Variants in AGAP1 observed in about 807,000 individuals in gnomAD.
AGAP1 encodes ArfGAP with GTPase domain, ankyrin repeat and PH domain 1.
AGAP1 carries 29 observed loss-of-function variants against 105.3 expected under a neutral mutation model. The ratio of observed to expected loss-of-function variants is 0.28; its 90% CI spans 0.21 to 0.38. The LOEUF is 0.38. AGAP1 is among the 10% of genes least tolerant of loss of function. The probability of loss-of-function intolerance (pLI) is 1.00; values close to 1 mark genes in which losing one functional copy is unlikely to be tolerated. For synonymous variants in AGAP1, 509 were observed against 485.9 expected, an observed-to-expected ratio of 1.05 and a Z score of -0.63; for missense variants, 998 against 1,165.1, an observed-to-expected ratio of 0.86 and a Z score of 2.09.
At chr2:235,594,813 A>G (rs1574926405) in intron 1 of AGAP1, among the ~76,000 whole-genome samples, 1 of 147,696 alleles carries the variant, frequency 6.8e-6, no homozygotes, top group Non-Finnish European at 1.5e-5. Context: ...GCCTCAAGTG[A>G]TCCACCTGCC....
In AGAP1 at chr2:235,957,659, G is replaced by T. The variant is rs576567705; in HGVS notation, c.1484-10803G>T. 6.6e-6 allele frequency among the ~76,000 whole-genome samples: 1 copy of T among 152,320 alleles called. No homozygotes were observed. Among genetic ancestry groups the T allele is most frequent in the South Asian group, 2.1e-4 (1 of 4,822 alleles). ...TTTTAACAGAGACCCAGGATGTTGT[G>T]ATTTCCTTGGATGGCAAAGGTGGCC... On this transcript the variant is annotated intron_variant, in intron 12 of 17. Coordinates refer to ENST00000304032, the MANE Select transcript of AGAP1 (RefSeq NM_001037131.3). The surrounding 1 kb of genome is among the most constrained non-coding windows in gnomAD (Gnocchi z 4.6).
At chr2:235,987,883 C>T (rs559837064) in intron 13 of AGAP1, among the ~76,000 whole-genome samples, 14 of 152,146 alleles carry the variant, frequency 9.2e-5, no homozygotes, top group African/African-American at 2.7e-4. Flanking sequence ...ATGCGTAATA[C>T]GGAATTAAAG....
At chr2:235,511,495 C>T (rs1942109932) in intron 1 of AGAP1, among the ~76,000 whole-genome samples, 1 of 152,128 alleles carries the variant, frequency 6.6e-6, no homozygotes, top group African/African-American at 2.4e-5. Context: ...CTCACTCCTC[C>T]CATTGCCTGA....
At chr2:235,524,883 T>C (rs1369765091) in intron 1 of AGAP1, among the ~76,000 whole-genome samples, 1 of 152,254 alleles carries the variant, frequency 6.6e-6, no homozygotes, top group Non-Finnish European at 1.5e-5. Flanking sequence ...CAGCTAGTTA[T>C]TAAATTCTAG....
Position 235,833,875 on chromosome 2 carries a change from A to T in AGAP1, c.1050+26544A>T, listed in dbSNP as rs1393123180. 9.4e-4 allele frequency among the ~76,000 whole-genome samples: 88 copies of T among 93,248 alleles called. 1 individual carries two copies. Among genetic ancestry groups the T allele is most frequent in the Middle Eastern group, 6.4e-3 (1 of 156 alleles). 61.2% of individuals were successfully genotyped at this position (93,248 alleles called of 152,430 possible). ...ATCTGGTTTTTTTTTTTTTTTTTTT[A>T]AAGCTCTGGTTGCAGCTCACTAAAG... On this transcript the variant is annotated intron_variant, in intron 9 of 17. Coordinates refer to ENST00000304032, the MANE Select transcript of AGAP1 (RefSeq NM_001037131.3).
At chr2:236,075,039 A>G (rs1377378) in intron 16 of AGAP1, among the ~76,000 whole-genome samples, 1 of 152,002 alleles carries the variant, frequency 6.6e-6, no homozygotes, top group South Asian at 2.1e-4. Context: ...GACGATAGAG[A>G]CAGACCTTCT....
chr2:235,902,954 T>C (rs1406647840), intron 10 of AGAP1, among the ~76,000 whole-genome samples: 4 of 152,184 alleles, frequency 2.6e-5, no homozygotes, highest in African/African-American at 4.8e-5. Flanking sequence ...AGCATGCCAG[T>C]GAATAATGTG....
chr2:235,653,139 C>T (rs1412538171), intron 1 of AGAP1, among the ~76,000 whole-genome samples: 1 of 152,106 alleles, frequency 6.6e-6, no homozygotes, highest in East Asian at 1.9e-4. Context: ...AAATCATACC[C>T]TACAGCAGCT....
rs35633339 is a variant in AGAP1, at chr2:235,880,083, CTTT to C, written c.1051-3245_1051-3243del. Among the ~76,000 whole-genome samples the C allele has an allele frequency of 8.0e-3, 1,107 of 138,872 alleles. 9 individuals carry two copies. The highest frequency in any genetic ancestry group is 0.028 in the African/African-American group (1,068 of 37,874). 91.1% of individuals were successfully genotyped at this position (138,872 alleles called of 152,430 possible). ...TATGATAGCATCACTGCACTCTGGC[CTTT>C]TTTTTTTTTTTTTTTTAAAGTTTTA... On this transcript the variant is annotated intron_variant, in intron 9 of 17. Transcript: ENST00000304032.
chr2:235,692,446 T>A lies in AGAP1; in HGVS notation c.164-16733T>A, dbSNP rs1241523463. Among the ~76,000 whole-genome samples, 1 of 152,142 alleles carries A rather than the reference T, an allele frequency of 6.6e-6. No individual in the cohort carries two copies. The highest frequency in any genetic ancestry group is 1.5e-5 in the Non-Finnish European group (1 of 68,014). ...GGCACCAGCTAGAAAATGTGACCCA[T>A]GTTGCCAACTCCCAAAAGCCACCAG... On this transcript the variant is annotated intron_variant, in intron 1 of 17. Coordinates refer to ENST00000304032, the MANE Select transcript of AGAP1 (RefSeq NM_001037131.3). This position sits in a 1 kb window ranked among gnomAD's most constrained non-coding sequence, Gnocchi z 5.8.
intron 1 of AGAP1, among the ~76,000 whole-genome samples, chr2:235,511,975 AGTGTGTGAATGC>A (rs1361687836): frequency 7.3e-6 from 1 of 136,548 alleles, no homozygotes; most frequent in East Asian, 2.3e-4. Flanking sequence ...GGTGATTGTG[AGTGTGTGAATGC>A]GTGTGTGAAT....
intron 1 of AGAP1, among the ~76,000 whole-genome samples, chr2:235,542,233 G>A (rs1943470183): frequency 6.6e-6 from 1 of 150,982 alleles, no homozygotes; most frequent in Non-Finnish European, 1.5e-5. Flanking sequence ...GGGGCCAGTT[G>A]TCAGAGAGCC....
rs543362220 is a variant in AGAP1, at chr2:235,565,883, T to G, written c.163+71034T>G. On this transcript the variant is annotated intron_variant, in intron 1 of 17. Transcript: ENST00000304032. ...CATGTTGCCCAGGCTGGTGGGCAATTTGTCCACCTCAATCTCCCAAGATAT... is the reference window on the plus strand; with the variant it reads ...CATGTTGCCCAGGCTGGTGGGCAATGTGTCCACCTCAATCTCCCAAGATAT... Among the ~76,000 whole-genome samples, 7 of 151,944 alleles carry G rather than the reference T, an allele frequency of 4.6e-5. No homozygotes were observed. In the South Asian group the frequency reaches 1.5e-3, roughly 32 times the overall value.
chr2:235,823,827 A>G (rs1401716665), intron 9 of AGAP1, among the ~76,000 whole-genome samples: 1 of 152,188 alleles, frequency 6.6e-6, no homozygotes, highest in East Asian at 1.9e-4. Context: ...GGTTACTAAG[A>G]GACAACATGA....
rs2054278770 is a variant in AGAP1 at position 235,963,708 on chromosome 2, G to A, written c.1484-4754G>A. ...GGAAGCTCTATCTTGACTCCACCCTGTTCACCATCTTTTTCATTGATGTGG... is the reference window on the plus strand; with the variant it reads ...GGAAGCTCTATCTTGACTCCACCCTATTCACCATCTTTTTCATTGATGTGG... On this transcript the variant is annotated intron_variant, in intron 12 of 17. Coordinates refer to ENST00000304032, the MANE Select transcript of AGAP1 (RefSeq NM_001037131.3). The surrounding 1 kb of genome is among the most constrained non-coding windows in gnomAD (Gnocchi z 5.1). Among the ~76,000 whole-genome samples the A allele has an allele frequency of 6.6e-6, 1 of 152,112 alleles. No individual in the cohort carries two copies.
intron 10 of AGAP1, among the ~76,000 whole-genome samples, chr2:235,896,932 A>C (rs1347317482): frequency 6.6e-6 from 1 of 152,176 alleles, no homozygotes; most frequent in African/African-American, 2.4e-5. Flanking sequence ...AGGGTTTGGA[A>C]ATGTTTGGGA....
intron 1 of AGAP1, among the ~76,000 whole-genome samples, chr2:235,671,343 C>T (rs1260371825): frequency 1.3e-5 from 2 of 152,194 alleles, no homozygotes; most frequent in East Asian, 1.9e-4. Context: ...CGACCTCCTT[C>T]GCGTGCTCGC....
At chr2:235,685,290 C>T (rs1472459117) in intron 1 of AGAP1, among the ~76,000 whole-genome samples, 1 of 151,916 alleles carries the variant, frequency 6.6e-6, no homozygotes, top group African/African-American at 2.4e-5. Flanking sequence ...TGGGTTCATG[C>T]AGCAGACTCT....
chr2:235,884,210 C>T (rs774288393), intron 10 of AGAP1, among the ~76,000 whole-genome samples: 1 of 152,226 alleles, frequency 6.6e-6, no homozygotes, highest in Non-Finnish European at 1.5e-5. Context: ...CATTGTCCCT[C>T]AGTATCTATG....
Sources: gnomAD v4.1 joint callset for allele counts (sites outside exome capture counted in the v4.1 genomes callset) on GRCh38, gnomAD v4.1.1 for gene constraint, Gnocchi (gnomAD v3.1) non-coding constraint, MANE v1.5 for transcripts, NCBI Gene and HGNC (gene_info 2026-07-23, HGNC 2026-07-21) for gene names.